GNG7: variants seen among roughly 807,000 people sequenced by gnomAD.
GNG7 encodes G protein subunit gamma 7.
In GNG7, 1 loss-of-function variant was observed where a neutral mutation model predicts 4.0. The ratio of observed to expected loss-of-function variants is 0.25; its 90% confidence interval spans 0.09 to 1.18. The LOEUF (loss-of-function observed/expected upper bound fraction) is 1.18, where lower values mean the gene tolerates loss of function less well. Ranked by LOEUF, GNG7 falls within the 50% of genes most tolerant of loss-of-function variation. The pLI, the probability that GNG7 is intolerant of heterozygous loss-of-function variation, is 0.50. For synonymous variants in GNG7, 34 were observed against 36.9 expected, an observed-to-expected ratio of 0.92 and a Z score of 0.29; for missense variants, 86 against 91.9, an observed-to-expected ratio of 0.94 and a Z score of 0.26.
chr19:2,541,739 CAAAAA>C (rs60594527), intron 3 of GNG7, among the ~76,000 whole-genome samples: 5 of 135,550 alleles, frequency 3.7e-5, no homozygotes. Context: ...AAGACTCCAT[CAAAAA>C]AAAAAAAAAA....
chr19:2,621,684 A>G (rs1981874502), intron 2 of GNG7, among the ~76,000 whole-genome samples: 1 of 152,042 alleles, frequency 6.6e-6, no homozygotes, highest in African/African-American at 2.4e-5. Context: ...GTGACAGAGC[A>G]AGACCTCATC....
At chr19:2,539,744 A>C (rs1270650191) in intron 3 of GNG7, among the ~76,000 whole-genome samples, 3 of 152,070 alleles carry the variant, frequency 2.0e-5, no homozygotes, top group Non-Finnish European at 4.4e-5. Flanking sequence ...TCATTGGCCA[A>C]AGGGTTTAGG....
At chr19:2,663,948 C>A (rs1307790347) in intron 1 of GNG7, among the ~76,000 whole-genome samples, 7 of 152,172 alleles carry the variant, frequency 4.6e-5, no homozygotes, top group African/African-American at 1.4e-4. Context: ...AGGAGCACCC[C>A]CAAGTCACGG....
At chr19:2,699,114 GC>G (rs1913338181) in intron 1 of GNG7, among the ~76,000 whole-genome samples, 1 of 149,270 alleles carries the variant, frequency 6.7e-6, no homozygotes, top group Admixed American at 6.7e-5. Context: ...GTGTTCAAAA[GC>G]CACATAAAAG....
rs148910157 is a variant in GNG7 at position 2,628,882 on chromosome 19, T to C, written c.-78+17342A>G. Reference sequence around the variant, plus strand: ...AAATCCCTTTACCGAACACACGACCTAACTGCATTAACCTAACCACTGGAG... The same window carrying C: ...AAATCCCTTTACCGAACACACGACCCAACTGCATTAACCTAACCACTGGAG... On this transcript the variant is annotated intron_variant, in intron 2 of 4. Coordinates refer to ENST00000382159, the MANE Select transcript of GNG7 (RefSeq NM_052847.3). 2.1e-3 allele frequency among the ~76,000 whole-genome samples: 321 copies of C among 152,306 alleles called. 2 individuals are homozygous for C. Among genetic ancestry groups the C allele is most frequent in the African/African-American group, 7.2e-3 (298 of 41,570 alleles).
chr19:2,579,122 G>A (rs1020182531), intron 2 of GNG7, among the ~76,000 whole-genome samples: 2 of 152,268 alleles, frequency 1.3e-5, no homozygotes, highest in Admixed American at 1.3e-4. Flanking sequence ...AGAGGGTCCC[G>A]TGATTTGGGG....
intron 4 of GNG7, among the ~76,000 whole-genome samples, chr19:2,520,052 A>G (rs901071196): frequency 2.0e-5 from 3 of 152,312 alleles, no homozygotes; most frequent in African/African-American, 2.4e-5. Flanking sequence ...ATGGTGGTGC[A>G]TGCCTGTAAT....
intron 1 of GNG7, among the ~76,000 whole-genome samples, chr19:2,674,539 G>A (rs534118467): frequency 3.3e-5 from 5 of 152,054 alleles, no homozygotes; most frequent in African/African-American, 4.8e-5. Flanking sequence ...GGGCTCAAGC[G>A]ATCCTCCTGC....
chr19:2,611,814 CG>C lies in GNG7; in HGVS notation c.-78+34409del, dbSNP rs1227632480. 6.6e-6 allele frequency: 1 copy of C among 151,596 alleles called. No homozygotes were observed. Among genetic ancestry groups the C allele is most frequent in the Non-Finnish European group, 1.5e-5 (1 of 67,930 alleles). 9.4% of individuals were successfully genotyped at this position (151,596 alleles called of 1,614,324 possible). On this transcript the variant is annotated intron_variant, in intron 2 of 4. Transcript: ENST00000382159. This position sits in a 1 kb window ranked among gnomAD's most constrained non-coding sequence, Gnocchi z 6.0. The stretch of plus-strand genomic sequence containing the variant: ...TCGCGCCACTGCTCTCCAGCCTGGG[CG>C]ACAGAGGGAGATTCTGTCTCTAAAA...
chr19:2,644,401 A>G (rs1245783979), intron 2 of GNG7, among the ~76,000 whole-genome samples: 17 of 118,722 alleles, frequency 1.4e-4, no homozygotes, highest in Non-Finnish European at 2.7e-4. Flanking sequence ...CTATACATGC[A>G]TCATGTTATT....
At chr19:2,658,208 A>G (rs1015900730) in intron 1 of GNG7, among the ~76,000 whole-genome samples, 41 of 152,234 alleles carry the variant, frequency 2.7e-4, no homozygotes, top group African/African-American at 9.9e-4. Context: ...TGGACCCTAC[A>G]GTTCTCAAAC....
chr19:2,678,589 T>C (rs1983652467), intron 1 of GNG7, among the ~76,000 whole-genome samples: 1 of 151,916 alleles, frequency 6.6e-6, no homozygotes, highest in African/African-American at 2.4e-5. Context: ...GATGGGGTAA[T>C]AAATGCATAC....
At chr19:2,580,825 T>C (rs891214232) in intron 2 of GNG7, among the ~76,000 whole-genome samples, 6 of 151,690 alleles carry the variant, frequency 4.0e-5, no homozygotes, top group African/African-American at 1.2e-4. Flanking sequence ...AGTGCAGTGG[T>C]GCAATCACGG....
At chr19:2,539,258 C>T (rs1292101042) in intron 3 of GNG7, among the ~76,000 whole-genome samples, 1 of 149,798 alleles carries the variant, frequency 6.7e-6, no homozygotes, top group East Asian at 1.9e-4. Flanking sequence ...TTTGTGACGA[C>T]AATAAATTAA....
At chr19:2,613,637 G>A (rs887168314) in intron 2 of GNG7, among the ~76,000 whole-genome samples, 3 of 152,020 alleles carry the variant, frequency 2.0e-5, no homozygotes, top group Non-Finnish European at 4.4e-5. Context: ...TAACCTGGGC[G>A]GGGGGTCTCA....
intron 2 of GNG7, chr19:2,610,985 C>A (rs1247313201): frequency 3.6e-5 from 1 of 28,042 alleles, no homozygotes; most frequent in Non-Finnish European, 8.4e-5. Flanking sequence ...AGGGGGGGAA[C>A]GGGCTCACGT....
At chr19:2,540,053 CCT>C (rs1978906212) in intron 3 of GNG7, among the ~76,000 whole-genome samples, 1 of 126,890 alleles carries the variant, frequency 7.9e-6, no homozygotes, top group African/African-American at 3.1e-5. Context: ...TCCCTCCCTC[CCT>C]TCCTTCCCTC....
intron 3 of GNG7, among the ~76,000 whole-genome samples, chr19:2,537,349 G>A (rs905247129): frequency 2.0e-5 from 3 of 150,770 alleles, no homozygotes; most frequent in Non-Finnish European, 3.0e-5. Flanking sequence ...GGGCTCAAGC[G>A]ATCCTCCTGC....
chr19:2,514,907 C>A lies in GNG7; in HGVS notation c.*115G>T. On this transcript the variant is annotated 3_prime_UTR_variant, in exon 5 of 5. Coordinates refer to ENST00000382159, the MANE Select transcript of GNG7 (RefSeq NM_052847.3). ...CTTTTGGAATTAAAGGTTTTGGGGA[C>A]TTGAGATGTTTTGTTTGAGCTAATT... 1.2e-6 allele frequency: 1 copy of A among 837,172 alleles called. No homozygotes were observed. The highest frequency in any genetic ancestry group is 1.9e-6 in the Non-Finnish European group (1 of 534,936). 51.9% of individuals were successfully genotyped at this position (837,172 alleles called of 1,614,324 possible).
Sources: allele counts gnomAD v4.1 joint callset (sites outside exome capture counted in the v4.1 genomes callset), GRCh38; gene constraint gnomAD v4.1.1; non-coding constraint Gnocchi (gnomAD v3.1); transcripts MANE v1.5; gene names NCBI Gene and HGNC (gene_info 2026-07-23, HGNC 2026-07-21).